The following CAMK2B variants were observed in gnomAD, a reference collection of about 807,000 sequenced individuals.
The protein encoded by CAMK2B is calcium/calmodulin-dependent protein kinase type II subunit beta.
In CAMK2B, 27 loss-of-function variants were observed where a neutral mutation model predicts 93.7. The observed-to-expected ratio is 0.29, with a 90% CI of 0.21 to 0.40. CAMK2B has a LOEUF of 0.40. Ranked by LOEUF, CAMK2B falls within the 10% of genes least tolerant of loss-of-function variation. CAMK2B has a pLI of 1.00. For synonymous variants in CAMK2B, 374 were observed against 358.8 expected (o/e 1.04, Z -0.48); for missense variants, 568 against 895.8 (o/e 0.63, Z 4.67).
intron 2 of CAMK2B, among the ~76,000 whole-genome samples, chr7:44,274,610 T>C (rs911193468): frequency 2.6e-5 from 4 of 152,210 alleles, no homozygotes; most frequent in Admixed American, 6.5e-5. Flanking sequence ...AGTCCTTAAG[T>C]GGAATCTTCA....
intron 2 of CAMK2B, among the ~76,000 whole-genome samples, chr7:44,264,419 C>T (rs1056283620): frequency 6.6e-6 from 1 of 152,164 alleles, no homozygotes; most frequent in African/African-American, 2.4e-5. Context: ...GAAAGCCACG[C>T]CTACAGATGG....
intron 1 of CAMK2B, among the ~76,000 whole-genome samples, chr7:44,295,835 C>A (rs1467094977): frequency 6.6e-6 from 1 of 152,186 alleles, no homozygotes. Context: ...CCAACTCCAG[C>A]CCCCTCCAGC....
At chr7:44,250,547 T>G (rs968132230) in intron 5 of CAMK2B, among the ~76,000 whole-genome samples, 1 of 136,452 alleles carries the variant, frequency 7.3e-6, no homozygotes, top group Non-Finnish European at 1.6e-5. Flanking sequence ...TTTTTTTTTT[T>G]GAGATGGAGT....
chr7:44,312,040 CCA>C lies in CAMK2B; in HGVS notation c.65+13315_65+13316del, dbSNP rs1178663510. Among the ~76,000 whole-genome samples, 1 of 152,198 alleles carries C rather than the reference CCA, an allele frequency of 6.6e-6. No homozygotes were observed. Among genetic ancestry groups the C allele is most frequent in the African/African-American group, 2.4e-5 (1 of 41,448 alleles). The stretch of plus-strand genomic sequence containing the variant: ...ACAGCCCAGAGGGGGAAACTGAGCC[CCA>C]GTGTGTGCTTCCTGCTGGTGATGCC... On this transcript the variant is annotated intron_variant, in intron 1 of 23. Transcript: ENST00000395749. The surrounding 1 kb of genome is among the most constrained non-coding windows in gnomAD (Gnocchi z 4.1).
chr7:44,319,012 T>C (rs746455762), intron 1 of CAMK2B, among the ~76,000 whole-genome samples: 2 of 152,226 alleles, frequency 1.3e-5, no homozygotes, highest in Non-Finnish European at 2.9e-5. Context: ...AATTCAAGTT[T>C]TTCTATGAAT....
rs576107917 is a variant in CAMK2B, at chr7:44,246,468, C to A, written c.414+652G>T. On this transcript the variant is annotated intron_variant, in intron 6 of 23. Transcript: ENST00000395749. ...ACACACACACACATGCATACACGCA[C>A]ACATGTACCCACATGTACACATTCA... is the stretch of plus-strand genomic sequence containing the variant. Among the ~76,000 whole-genome samples the A allele has an allele frequency of 2.6e-5, 4 of 152,140 alleles. No homozygotes were observed. In the East Asian group the frequency reaches 7.7e-4, roughly 29 times the overall value.
At chr7:44,258,316 C>T (rs1418774987) in intron 4 of CAMK2B, among the ~76,000 whole-genome samples, 8 of 152,240 alleles carry the variant, frequency 5.3e-5, no homozygotes, top group African/African-American at 1.7e-4. Flanking sequence ...CACCTCCACA[C>T]GCTCACTCAT....
intron 1 of CAMK2B, among the ~76,000 whole-genome samples, chr7:44,314,062 G>A (rs1004714261): frequency 2.6e-5 from 4 of 152,020 alleles, no homozygotes; most frequent in African/African-American, 7.2e-5. Flanking sequence ...TGTGAACGTC[G>A]AGATCCAGAT....
intron 10 of CAMK2B, 42 bp from the exon 11 acceptor site, chr7:44,241,825 C>G: frequency 6.5e-7 from 1 of 1,536,330 alleles, no homozygotes; most frequent in Admixed American, 1.7e-5. Flanking sequence ...GAGCCCGAGG[C>G]ACAGGGGAGA....
intron 1 of CAMK2B, among the ~76,000 whole-genome samples, chr7:44,322,311 G>A (rs9918696): frequency 0.55 from 83,067 of 152,088 alleles, 23,144 homozygotes; most frequent in East Asian, 0.88. Flanking sequence ...AAATGTACCC[G>A]AAAGAGCCTG....
intron 15 of CAMK2B, among the ~76,000 whole-genome samples, chr7:44,233,417 G>T (rs533492156): frequency 6.6e-6 from 1 of 152,094 alleles, no homozygotes; most frequent in Admixed American, 6.5e-5. Flanking sequence ...TGAGCAGCTC[G>T]CCCCTCCCAG....
At chr7:44,260,129 C>T (rs1039031152) in intron 3 of CAMK2B, among the ~76,000 whole-genome samples, 4 of 152,178 alleles carry the variant, frequency 2.6e-5, no homozygotes, top group African/African-American at 7.2e-5. Flanking sequence ...GGGCCACAGA[C>T]GCTGAATGGG....
At chr7:44,223,448 T>C (rs2128873734) in intron 20 of CAMK2B, among the ~76,000 whole-genome samples, 1 of 152,318 alleles carries the variant, frequency 6.6e-6, no homozygotes, top group African/African-American at 2.4e-5. Context: ...CTCCAGTTCC[T>C]GCTGCAGCCA....
intron 2 of CAMK2B, among the ~76,000 whole-genome samples, chr7:44,264,728 C>T (rs1584379626): frequency 6.6e-6 from 1 of 152,378 alleles, no homozygotes; most frequent in South Asian, 2.1e-4. Flanking sequence ...TCCCCTCTCC[C>T]CTCCCACTGA....
intron 2 of CAMK2B, among the ~76,000 whole-genome samples, chr7:44,272,019 G>C (rs1456356115): frequency 2.0e-5 from 3 of 152,228 alleles, no homozygotes; most frequent in African/African-American, 7.2e-5. Flanking sequence ...CAAGGAGACT[G>C]GGTAGAAGTG....
intron 6 of CAMK2B, among the ~76,000 whole-genome samples, chr7:44,246,591 C>T (rs1423326376): frequency 6.6e-6 from 1 of 152,146 alleles, no homozygotes; most frequent in South Asian, 2.1e-4. Flanking sequence ...TGCACACATG[C>T]CATATGTATA....
At position 44,248,571 on chromosome 7, in the gene CAMK2B, C is replaced by G. The variant is rs962727351; in HGVS notation, c.342-1379G>C. Reference sequence around the variant, plus strand: ...CCACTGGGCACGGTCAAGGGAGGGACAGGAAGACCCCCTCAAGACCCTTCT... The same window carrying G: ...CCACTGGGCACGGTCAAGGGAGGGAGAGGAAGACCCCCTCAAGACCCTTCT... On this transcript the variant is annotated intron_variant, in intron 5 of 23. Coordinates refer to ENST00000395749, the MANE Select transcript of CAMK2B (RefSeq NM_001220.5). This position sits in a 1 kb window ranked among gnomAD's most constrained non-coding sequence, Gnocchi z 4.1. Among the ~76,000 whole-genome samples, 2 of 152,218 alleles carry G rather than the reference C, an allele frequency of 1.3e-5. No homozygotes were observed. The highest frequency in any genetic ancestry group is 2.9e-5 in the Non-Finnish European group (2 of 68,028).
chr7:44,323,189 G>A (rs779452347), intron 1 of CAMK2B, among the ~76,000 whole-genome samples: 14 of 152,200 alleles, frequency 9.2e-5, no homozygotes, highest in Non-Finnish European at 1.6e-4. Context: ...CCAGGGACCC[G>A]GCGCCTAGCA....
At position 44,228,861 on chromosome 7, in the gene CAMK2B, C is replaced by G. The variant is rs770390072; in HGVS notation, c.1403G>C (p.Gly468Ala). 6.6e-7 allele frequency: 1 copy of G among 1,522,678 alleles called. No homozygotes were observed. The highest frequency in any genetic ancestry group is 2.0e-5 in the Admixed American group (1 of 51,108). 94.3% of individuals were successfully genotyped at this position (1,522,678 alleles called of 1,614,324 possible). The change falls in exon 19 of 24, where the codon GGC becomes GCC. Residue 468 changes from glycine (G) to alanine (A), a missense_variant. Physicochemically the swap from Gly to Ala is moderately conservative, Grantham distance 60. Transcript: ENST00000395749. ...GGGCGGGGGCCCCGCTGAGAGGGGG[C>G]CCTCGGCTTCTGGGGTTCCTGAACC... is the stretch of plus-strand genomic sequence containing the variant. ...RRGSGTPEAE[G>A]PLSAGPPPCL...
Sources: gnomAD v4.1 joint callset for allele counts (sites outside exome capture counted in the v4.1 genomes callset) on GRCh38, gnomAD v4.1.1 for gene constraint, Gnocchi (gnomAD v3.1) non-coding constraint, MANE v1.5 for transcripts, NCBI Gene and HGNC (gene_info 2026-07-23, HGNC 2026-07-21) for gene names.